ADIPOQ: variants seen among roughly 807,000 people sequenced by gnomAD.
ADIPOQ encodes the protein adiponectin.
Under a neutral mutation model 16.1 loss-of-function variants are expected in ADIPOQ, and 19 were observed. The ratio of observed to expected loss-of-function variants is 1.18; its 90% CI spans 0.82 to 1.73. ADIPOQ has a LOEUF of 1.73. ADIPOQ is among the 40% of genes most tolerant of loss of function. The pLI, the probability that ADIPOQ is intolerant of heterozygous loss-of-function variation, is 0.00. For synonymous variants in ADIPOQ, 124 were observed against 125.5 expected, an observed-to-expected ratio of 0.99 and a Z score of 0.08; for missense variants, 323 against 308.3, an observed-to-expected ratio of 1.05 and a Z score of -0.36.
rs1711941626 is a variant in ADIPOQ at position 186,854,964 on chromosome 3, G to C, written c.*260G>C. 1 of 519,024 alleles carries C rather than the reference G, an allele frequency of 1.9e-6. No homozygotes were observed. The highest frequency in any genetic ancestry group is 3.7e-5 in the East Asian group (1 of 27,116). 32.2% of individuals were successfully genotyped at this position (519,024 alleles called of 1,614,324 possible). ...TTGACAGTGCTATTTTGTGCCCACT[G>C]TCTCTCCTGATGCTCATATCAATCC... is the stretch of plus-strand genomic sequence containing the variant. On this transcript the variant is annotated 3_prime_UTR_variant, in exon 3 of 3. Coordinates refer to ENST00000320741, the MANE Select transcript of ADIPOQ (RefSeq NM_004797.4).
In ADIPOQ at chr3:186,853,110, C is replaced by G; in HGVS notation, c.52C>G (p.Gln18Glu). The change falls in exon 2 of 3, where the codon CAG (glutamine) becomes GAG (glutamate). Residue 18 changes from glutamine (Q) to glutamate (E), a missense_variant. By Grantham distance (29) the Gln-to-Glu change is conservative. Coordinates refer to ENST00000320741, the MANE Select transcript of ADIPOQ (RefSeq NM_004797.4). ...LLLLALPGHDQETTTQGPGVL... is the reference protein window; with the variant it reads ...LLLLALPGHDEETTTQGPGVL... ...GCTATTAGCTCTGCCCGGTCATGAC[C>G]AGGAAACCACGACTCAAGGGCCCGG... 3 of 1,614,178 alleles carry G rather than the reference C, an allele frequency of 1.9e-6. No individual in the cohort carries two copies. The highest frequency in any genetic ancestry group is 2.5e-6 in the Non-Finnish European group (3 of 1,180,030).
intron 1 of ADIPOQ, among the ~76,000 whole-genome samples, chr3:186,847,205 C>G (rs1711601190): frequency 6.6e-6 from 1 of 152,216 alleles, no homozygotes; most frequent in East Asian, 1.9e-4. Context: ...CAGGTCAGAA[C>G]AAATGATTTG....
Position 186,857,436 on chromosome 3 carries a change from G to A in ADIPOQ, c.*2732G>A, listed in dbSNP as rs191393980. ...ATGAGTTTCCCAGAGAGACATAGCT[G>A]GAAAATTCCTATTGATTTTCTCTAA... On this transcript the variant is annotated 3_prime_UTR_variant, in exon 3 of 3. Transcript: ENST00000320741. 1 of 152,258 alleles carries A rather than the reference G, an allele frequency of 6.6e-6. No individual in the cohort carries two copies. Among genetic ancestry groups the A allele is most frequent in the African/African-American group, 2.4e-5 (1 of 41,552 alleles). 9.4% of individuals were successfully genotyped at this position (152,258 alleles called of 1,614,324 possible). A position where few individuals can be genotyped will look rare whatever the true frequency, so the allele number is the denominator to read the frequency against.
intron 1 of ADIPOQ, among the ~76,000 whole-genome samples, chr3:186,850,498 G>T (rs1314068123): frequency 6.6e-6 from 1 of 151,930 alleles, no homozygotes; most frequent in Non-Finnish European, 1.5e-5. Flanking sequence ...CATACCTTTT[G>T]GTCCAGTAAT....
intron 1 of ADIPOQ, among the ~76,000 whole-genome samples, chr3:186,850,533 A>G (rs902884167): frequency 2.6e-5 from 4 of 152,188 alleles, no homozygotes; most frequent in Non-Finnish European, 4.4e-5. Context: ...CTGTCATAAC[A>G]GAATAATAAT....
At position 186,854,442 on chromosome 3, in the gene ADIPOQ, A is replaced by G; in HGVS notation, c.473A>G (p.Tyr158Cys). 1 of 1,614,256 alleles carries G rather than the reference A, an allele frequency of 6.2e-7. No homozygotes were observed. Among genetic ancestry groups the G allele is most frequent in the Non-Finnish European group, 8.5e-7 (1 of 1,180,050 alleles). ...TTCCACTGCAACATTCCTGGGCTGT[A>G]CTACTTTGCCTACCACATCACAGTC... The part of the protein sequence containing the change: ...GKFHCNIPGL[Y>C]YFAYHITVYM... The change falls in exon 3 of 3, where the codon TAC becomes TGC. Residue 158 changes from tyrosine to cysteine, a missense_variant. Tyr to Cys is a radical substitution (Grantham distance 194). Coordinates refer to ENST00000320741, the MANE Select transcript of ADIPOQ (RefSeq NM_004797.4).
At position 186,854,792 on chromosome 3, in the gene ADIPOQ, T is replaced by G; in HGVS notation, c.*88T>G. 6.7e-7 allele frequency: 1 copy of G among 1,502,090 alleles called. No individual in the cohort carries two copies. Among genetic ancestry groups the G allele is most frequent in the African/African-American group, 1.4e-5 (1 of 72,622 alleles). 93.0% of individuals were successfully genotyped at this position (1,502,090 alleles called of 1,614,324 possible). A position where few individuals can be genotyped will look rare whatever the true frequency, so the allele number is the denominator to read the frequency against. The stretch of plus-strand genomic sequence containing the variant: ...TACGGTTAGGAAGTTGATTATTATT[T>G]AGTTGGAGGCCTTTAGATATTATTC... On this transcript the variant is annotated 3_prime_UTR_variant, in exon 3 of 3. Transcript: ENST00000320741.
chr3:186,851,598 C>T (rs1436268255), intron 1 of ADIPOQ, among the ~76,000 whole-genome samples: 2 of 151,950 alleles, frequency 1.3e-5, no homozygotes, highest in African/African-American at 4.8e-5. Context: ...ATTCCCCCTC[C>T]CTCCTTCCTT....
rs896606421 is a variant in ADIPOQ at position 186,854,359 on chromosome 3, T to C, written c.390T>C (p.Ile130=). 16 of 1,614,086 alleles carry C rather than the reference T, an allele frequency of 9.9e-6. No homozygotes were observed. The highest frequency in any genetic ancestry group is 1.3e-5 in the Non-Finnish European group (15 of 1,180,040). Residue 130 remains isoleucine (I), a synonymous_variant, in exon 3 of 3, where the codon ATT becomes ATC. Coordinates refer to ENST00000320741, the MANE Select transcript of ADIPOQ (RefSeq NM_004797.4). ...ETYVTIPNMP[I]RFTKIFYNQQ... is the part of the protein sequence containing the mutation. The stretch of plus-strand genomic sequence containing the variant: ...ACGTTACTATCCCCAACATGCCCAT[T>C]CGCTTTACCAAGATCTTCTACAATC...
intron 1 of ADIPOQ, among the ~76,000 whole-genome samples, chr3:186,847,937 C>T (rs6789230): frequency 8.3e-4 from 127 of 152,098 alleles, no homozygotes; most frequent in African/African-American, 2.7e-3. Context: ...TTTGGGAGGC[C>T]GAGGCGGGCG....
rs11377702 is a variant in ADIPOQ at position 186,855,459 on chromosome 3, C to CTTT, written c.*766_*768dup. 6.9e-5 allele frequency: 10 copies of CTTT among 144,510 alleles called. No individual in the cohort carries two copies. The highest frequency in any genetic ancestry group is 4.0e-4 in the East Asian group (2 of 4,952). The allele number at this position is 144,510 out of a possible 1,614,324, so 9.0% of individuals were successfully genotyped here. On this transcript the variant is annotated 3_prime_UTR_variant, in exon 3 of 3. Coordinates refer to ENST00000320741, the MANE Select transcript of ADIPOQ (RefSeq NM_004797.4). Reference sequence around the variant, plus strand: ...AGGAGCTTCTCTGATGTGATATCCACTTTTTTTTTTTTTGAGATGGAGTCT... The same window carrying CTTT: ...AGGAGCTTCTCTGATGTGATATCCACTTTTTTTTTTTTTTTTGAGATGGAGTCT...
At chr3:186,849,667 C>T (rs1342788405) in intron 1 of ADIPOQ, among the ~76,000 whole-genome samples, 5 of 152,272 alleles carry the variant, frequency 3.3e-5, no homozygotes, top group Admixed American at 1.3e-4. Context: ...GTTTCTGTCT[C>T]TCTTCTCTCT....
At chr3:186,845,663 C>G (rs1011615567) in intron 1 of ADIPOQ, 1 of 152,104 alleles carries the variant, frequency 6.6e-6, no homozygotes, top group African/African-American at 2.4e-5. Flanking sequence ...TGAGCCACTG[C>G]GCCCGGCCCA....
At chr3:186,847,174 A>G (rs1403973084) in intron 1 of ADIPOQ, among the ~76,000 whole-genome samples, 4 of 152,252 alleles carry the variant, frequency 2.6e-5, no homozygotes, top group African/African-American at 7.2e-5. Context: ...CTTCCAACAA[A>G]CAGAACACTG....
At position 186,856,595 on chromosome 3, in the gene ADIPOQ, G is replaced by A. The variant is rs1712013654; in HGVS notation, c.*1891G>A. On this transcript the variant is annotated 3_prime_UTR_variant, in exon 3 of 3. Coordinates refer to ENST00000320741, the MANE Select transcript of ADIPOQ (RefSeq NM_004797.4). ...GCCTCCCGAGTAGCTGGGACCACAGGTGCCTACCACCATGCCAGGCTAATT... is the reference window on the plus strand; with the variant it reads ...GCCTCCCGAGTAGCTGGGACCACAGATGCCTACCACCATGCCAGGCTAATT... 1 of 152,084 alleles carries A rather than the reference G, an allele frequency of 6.6e-6. No individual in the cohort carries two copies. The highest frequency in any genetic ancestry group is 1.5e-5 in the Non-Finnish European group (1 of 68,058). The allele number at this position is 152,084 out of a possible 1,614,324, so 9.4% of individuals were successfully genotyped here. A position where few individuals can be genotyped will look rare whatever the true frequency, so the allele number is the denominator to read the frequency against.
rs559774265 is a variant in ADIPOQ, at chr3:186,844,469, G to A, written c.-9+1720G>A. Among the ~76,000 whole-genome samples the A allele has an allele frequency of 2.2e-4, 31 of 141,958 alleles. No individual in the cohort carries two copies. The South Asian group carries it at 6.1e-3, about 28-fold the overall frequency. 93.1% of individuals were successfully genotyped at this position (141,958 alleles called of 152,430 possible). A position where few individuals can be genotyped will look rare whatever the true frequency, so the allele number is the denominator to read the frequency against. The stretch of plus-strand genomic sequence containing the variant: ...CGAGGAGTCTTAAGCTGAGATCACA[G>A]CATTGCACTCCAGCCTGGGCAAAAA... On this transcript the variant is annotated intron_variant, in intron 1 of 2. Transcript: ENST00000320741.
At chr3:186,847,411 C>G (rs1453763950) in intron 1 of ADIPOQ, among the ~76,000 whole-genome samples, 1 of 152,148 alleles carries the variant, frequency 6.6e-6, no homozygotes, top group Non-Finnish European at 1.5e-5. Context: ...TAAAAAGTAA[C>G]AAAATTTGTT....
intron 1 of ADIPOQ, among the ~76,000 whole-genome samples, chr3:186,849,791 GTGT>G (rs1323851934): frequency 6.6e-6 from 1 of 152,152 alleles, no homozygotes; most frequent in Admixed American, 6.5e-5. Flanking sequence ...GCAATTAAAG[GTGT>G]TGTAACAGCT....
chr3:186,857,946 T>C lies in ADIPOQ; in HGVS notation c.*3242T>C, dbSNP rs1560112567. 2 of 151,442 alleles carry C rather than the reference T, an allele frequency of 1.3e-5. No homozygotes were observed. Among genetic ancestry groups the C allele is most frequent in the African/African-American group, 4.9e-5 (2 of 41,184 alleles). 9.4% of individuals were successfully genotyped at this position (151,442 alleles called of 1,614,324 possible). ...CTTCCTTTCTTTCTCTCTCTCTCTC[T>C]TTCCTTCCTTCCTTCCTCCTTTTCT... On this transcript the variant is annotated 3_prime_UTR_variant, in exon 3 of 3. Transcript: ENST00000320741.
Sources: gnomAD v4.1 joint callset for allele counts (sites outside exome capture counted in the v4.1 genomes callset) on GRCh38, gnomAD v4.1.1 for gene constraint, MANE v1.5 for transcripts, NCBI Gene and HGNC (gene_info 2026-07-23, HGNC 2026-07-21) for gene names.